VSIG10L: variants seen among roughly 807,000 people sequenced by gnomAD.
VSIG10L encodes V-set and immunoglobulin domain containing 10 like.
A neutral mutation model predicts 67.3 loss-of-function variants in VSIG10L; 63 were observed. The observed-to-expected ratio is 0.94, with a 90% CI of 0.76 to 1.15. The LOEUF (loss-of-function observed/expected upper bound fraction) is 1.15, where lower values mean the gene tolerates loss of function less well. Among genes scored for constraint, VSIG10L ranks in the 50% most tolerant of loss-of-function variants. VSIG10L has a pLI of 0.00. For synonymous variants in VSIG10L, 499 were observed against 524.9 expected, an observed-to-expected ratio of 0.95 and a Z score of 0.67; for missense variants, 1,050 against 1,177.5, an observed-to-expected ratio of 0.89 and a Z score of 1.58.
At position 51,340,568 on chromosome 19, in the gene VSIG10L, C is replaced by T. The variant is rs953210796; in HGVS notation, c.1054G>A (p.Glu352Lys). Residue 352 changes from glutamate to lysine, a missense_variant, in exon 3 of 10, where the codon GAG becomes AAG. By Grantham distance (56) the Glu-to-Lys change is moderately conservative. Transcript: ENST00000335624. The surrounding 1 kb of genome is among the most constrained non-coding windows in gnomAD (Gnocchi z 6.3). ...ALEAAESEGA[E>K]TPRMRSEGDQ... ...CCCTCTGAGCGCATCCGGGGCGTCT[C>T]GGCTCCCTCCGATTCCGCCGCCTCC... The T allele has an allele frequency of 3.9e-6, 6 of 1,535,560 alleles. No individual in the cohort carries two copies. In the Admixed American group the frequency reaches 9.8e-5, roughly 25 times the overall value.
At chr19:51,337,818 G>A (rs1599833586) in intron 6 of VSIG10L, 112 bp downstream of exon 6, 1 of 1,336,540 alleles carries the variant, frequency 7.5e-7, no homozygotes, top group Non-Finnish European at 1.0e-6. Context: ...GAGGCTGGGG[G>A]CCTGGATCCG....
intron 6 of VSIG10L, 44 bp downstream of exon 6, chr19:51,337,886 C>T (rs1405895538): frequency 6.7e-7 from 1 of 1,501,142 alleles, no homozygotes; most frequent in Non-Finnish European, 8.9e-7. Flanking sequence ...GCTGGAGCGG[C>T]TGGGGACGTG....
In VSIG10L at chr19:51,332,356, A is replaced by T; in HGVS notation, c.*255T>A. The T allele has an allele frequency of 1.8e-6, 1 of 569,966 alleles. No individual in the cohort carries two copies. Among genetic ancestry groups the T allele is most frequent in the African/African-American group, 1.9e-5 (1 of 53,740 alleles). The allele number at this position is 569,966 out of a possible 1,614,324, so 35.3% of individuals were successfully genotyped here. Reference sequence around the variant, plus strand: ...CAGAGGCTTGGAGGTTGTGCAAACCACACAGTTAGATCAGCAAGAGTTTCC... The same window carrying T: ...CAGAGGCTTGGAGGTTGTGCAAACCTCACAGTTAGATCAGCAAGAGTTTCC... On this transcript the variant is annotated 3_prime_UTR_variant, in exon 10 of 10. Coordinates refer to ENST00000335624, the MANE Select transcript of VSIG10L (RefSeq NM_001163922.3).
At chr19:51,339,841 G>T (rs1985577942) in intron 4 of VSIG10L, 174 bp downstream of exon 4, 2 of 793,002 alleles carry the variant, frequency 2.5e-6, no homozygotes, top group East Asian at 3.8e-5. Context: ...GCGCTGGCCC[G>T]CCCCACCACG....
At position 51,340,144 on chromosome 19, in the gene VSIG10L, C is replaced by T; in HGVS notation, c.1345G>A (p.Ala449Thr). The change falls in exon 4 of 10, where the codon GCG (alanine) becomes ACG (threonine). Residue 449 changes from alanine (A) to threonine (T), a missense_variant. Ala to Thr is a moderately conservative substitution (Grantham distance 58, BLOSUM62 0). This residue lies in a region of VSIG10L where 529 missense variants were observed against 584.9 expected (regional missense o/e 0.90). Transcript: ENST00000335624. The surrounding 1 kb of genome is among the most constrained non-coding windows in gnomAD (Gnocchi z 6.3). ...TWSLADPAEA[A>T]VPAGSRLLLP... ...AGGAGGCGCGACCCCGCGGGCACCG[C>T]GGCCTCGGCCGGGTCCGCCAGGCTC... 1 of 1,319,716 alleles carries T rather than the reference C, an allele frequency of 7.6e-7. No individual in the cohort carries two copies. The highest frequency in any genetic ancestry group is 9.6e-7 in the Non-Finnish European group (1 of 1,040,998). 81.8% of individuals were successfully genotyped at this position (1,319,716 alleles called of 1,614,324 possible). A position where few individuals can be genotyped will look rare whatever the true frequency, so the allele number is the denominator to read the frequency against.
Position 51,339,137 on chromosome 19 carries a change from G to T in VSIG10L, c.1480C>A (p.Pro494Thr). 3.1e-6 allele frequency: 4 copies of T among 1,301,966 alleles called. No individual in the cohort carries two copies. Among genetic ancestry groups the T allele is most frequent in the Non-Finnish European group, 3.9e-6 (4 of 1,016,450 alleles). The allele number at this position is 1,301,966 out of a possible 1,614,324, so 80.7% of individuals were successfully genotyped here. The change falls in exon 5 of 10, where the codon CCC (proline) becomes ACC (threonine). Residue 494 changes from proline (P) to threonine (T), a missense_variant. This residue lies in a region of VSIG10L where 529 missense variants were observed against 584.9 expected (regional missense o/e 0.90). Transcript: ENST00000335624. ...ACTGAGCACTGTGGGGCCCCGGGGG[G>T]CAGGTCTGCGGAGAGAAGGGAGAGA... Reference protein sequence around the residue: ...SLLNLTVADLPPGAPQCSVEG... With the variant: ...SLLNLTVADLTPGAPQCSVEG...
In VSIG10L at chr19:51,339,002, G is replaced by A; in HGVS notation, c.1615C>T (p.Pro539Ser). Residue 539 changes from proline (P) to serine (S), a missense_variant, in exon 5 of 10, where the codon CCA (proline) becomes TCA (serine). Pro to Ser is a moderately conservative substitution (Grantham distance 74). This residue lies in a region of VSIG10L where 529 missense variants were observed against 584.9 expected (regional missense o/e 0.90). Coordinates refer to ENST00000335624, the MANE Select transcript of VSIG10L (RefSeq NM_001163922.3). ...GCCGCCAGCAGCACAGAGGACACTG[G>A]CCCGGCGCGGATGCCTTCGGGGAGA... The part of the protein sequence containing the change: ...QGLPEGIRAG[P>S]VSSVLLAAVP... 1 of 1,401,244 alleles carries A rather than the reference G, an allele frequency of 7.1e-7. No individual in the cohort carries two copies. The highest frequency in any genetic ancestry group is 1.5e-5 in the South Asian group (1 of 64,866). 86.8% of individuals were successfully genotyped at this position (1,401,244 alleles called of 1,614,324 possible). A position where few individuals can be genotyped will look rare whatever the true frequency, so the allele number is the denominator to read the frequency against.
rs1360141268 is a variant in VSIG10L at position 51,338,177 on chromosome 19, C to G, written c.1761G>C (p.Leu587=). The change falls in exon 6 of 10, where the codon CTG becomes CTC. Residue 587 remains leucine, a synonymous_variant. Coordinates refer to ENST00000335624, the MANE Select transcript of VSIG10L (RefSeq NM_001163922.3). ...EAPREVLLHP[L]VAETRLGEAE... Reference sequence around the variant, plus strand: ...CCTCCCCCAACCGTGTCTCTGCCACCAGCGGATGCAGCAGCACCTCTCGGG... The same window carrying G: ...CCTCCCCCAACCGTGTCTCTGCCACGAGCGGATGCAGCAGCACCTCTCGGG... 3 of 1,501,286 alleles carry G rather than the reference C, an allele frequency of 2.0e-6. No homozygotes were observed. The African/African-American group carries it at 4.2e-5, about 21-fold the overall frequency. The allele number at this position is 1,501,286 out of a possible 1,614,324, so 93.0% of individuals were successfully genotyped here.
intron 5 of VSIG10L, among the ~76,000 whole-genome samples, chr19:51,338,427 C>T (rs376814997): frequency 6.6e-6 from 1 of 152,182 alleles, no homozygotes; most frequent in African/African-American, 2.4e-5. Flanking sequence ...ACCATAGGCG[C>T]AGGCCCTGTA....
intron 5 of VSIG10L, 34 bp downstream of exon 5, chr19:51,338,854 C>T (rs1442987701): frequency 7.4e-7 from 1 of 1,358,292 alleles, no homozygotes; most frequent in Admixed American, 3.8e-5. Context: ...CCCTCCTCCT[C>T]GAGAAACAGC....
chr19:51,340,449 G>T lies in VSIG10L; in HGVS notation c.1173C>A (p.Ala391=). 1 of 1,490,336 alleles carries T rather than the reference G, an allele frequency of 6.7e-7. No homozygotes were observed. The highest frequency in any genetic ancestry group is 8.9e-7 in the Non-Finnish European group (1 of 1,118,456). The allele number at this position is 1,490,336 out of a possible 1,614,324, so 92.3% of individuals were successfully genotyped here. A position where few individuals can be genotyped will look rare whatever the true frequency, so the allele number is the denominator to read the frequency against. ...CCCACTCACAGAAGACGCTGACGTC[G>T]GCGGCAGCCTCCCTGTGGCCGAAGG... ...RSPFGHREAA[A]DVSVFYGPDP... The change falls in exon 3 of 10, where the codon GCC becomes GCA. Residue 391 remains alanine (A), a synonymous_variant. Transcript: ENST00000335624. This position sits in a 1 kb window ranked among gnomAD's most constrained non-coding sequence, Gnocchi z 6.3.
In VSIG10L at chr19:51,340,992, C is replaced by T. The variant is rs28668475; in HGVS notation, c.895+161G>A. The T allele has an allele frequency of 0.59, 677,290 of 1,156,560 alleles. 200,016 individuals carry two copies. The highest frequency in any genetic ancestry group is 0.73 in the South Asian group (35,196 of 48,008). 71.6% of individuals were successfully genotyped at this position (1,156,560 alleles called of 1,614,324 possible). Reference sequence around the variant, plus strand: ...AGTCTCCATCCCAGGTCCACCTTTGCTCAGACACCCCTGCCTTGACCTCTA... The same window carrying T: ...AGTCTCCATCCCAGGTCCACCTTTGTTCAGACACCCCTGCCTTGACCTCTA... On this transcript the variant is annotated intron_variant, in intron 2 of 9. Transcript: ENST00000335624. The surrounding 1 kb of genome is among the most constrained non-coding windows in gnomAD (Gnocchi z 6.3).
In VSIG10L at chr19:51,340,279, T is replaced by C; in HGVS notation, c.1210A>G (p.Ile404Val). 1.3e-6 allele frequency: 2 copies of C among 1,518,972 alleles called. No homozygotes were observed. The highest frequency in any genetic ancestry group is 1.4e-5 in the African/African-American group (1 of 70,522). The allele number at this position is 1,518,972 out of a possible 1,614,324, so 94.1% of individuals were successfully genotyped here. ...GCGTCGCGGTCCGAGGAGACCGTGATGGTCGGCGGGTCCGGGCCGTCTGGA... is the reference window on the plus strand; with the variant it reads ...GCGTCGCGGTCCGAGGAGACCGTGACGGTCGGCGGGTCCGGGCCGTCTGGA... ...SVFYGPDPPT[I>V]TVSSDRDAAP... Residue 404 changes from isoleucine to valine, a missense_variant, in exon 4 of 10, where the codon ATC becomes GTC. Coordinates refer to ENST00000335624, the MANE Select transcript of VSIG10L (RefSeq NM_001163922.3). This position sits in a 1 kb window ranked among gnomAD's most constrained non-coding sequence, Gnocchi z 6.3.
At position 51,333,874 on chromosome 19, in the gene VSIG10L, G is replaced by A. The variant is rs1985415191; in HGVS notation, c.2491C>T (p.His831Tyr). The change falls in exon 9 of 10, where the codon CAT becomes TAT. Residue 831 changes from histidine (H) to tyrosine (Y), a missense_variant. His to Tyr is a moderately conservative substitution (Grantham distance 83). Transcript: ENST00000335624. ...GAAATCTCCACTGGGGTCACACTAT[G>A]CATCTTCTTTTCTGAGGGGGTGACC... ...PVVTPSEKKM[H>Y]SVTPVEISWP... The A allele has an allele frequency of 6.4e-7, 1 of 1,551,714 alleles. No individual in the cohort carries two copies. Among genetic ancestry groups the A allele is most frequent in the Non-Finnish European group, 8.7e-7 (1 of 1,147,000 alleles).
At position 51,340,816 on chromosome 19, in the gene VSIG10L, A is replaced by T; in HGVS notation, c.896-90T>A. On this transcript the variant is annotated intron_variant, in intron 2 of 9. Transcript: ENST00000335624. The surrounding 1 kb of genome is among the most constrained non-coding windows in gnomAD (Gnocchi z 6.3). ...GGGAACCCCAGCCGCTGCTCCCTCTAAGCCCCTGGAGTCTCAGCCCCCATC... is the reference window on the plus strand; with the variant it reads ...GGGAACCCCAGCCGCTGCTCCCTCTTAGCCCCTGGAGTCTCAGCCCCCATC... 1 of 1,371,102 alleles carries T rather than the reference A, an allele frequency of 7.3e-7. No individual in the cohort carries two copies. The highest frequency in any genetic ancestry group is 9.5e-7 in the Non-Finnish European group (1 of 1,049,530). The allele number at this position is 1,371,102 out of a possible 1,614,324, so 84.9% of individuals were successfully genotyped here.
In VSIG10L at chr19:51,341,337, G is replaced by A. The variant is rs1459619830; in HGVS notation, c.711C>T (p.Gly237=). Residue 237 remains glycine, a synonymous_variant, in exon 2 of 10, where the codon GGC becomes GGT. Transcript: ENST00000335624. Reference sequence around the variant, plus strand: ...TGATCAGAGGTGCCCCTGGCCCCAGGCCCCCAGCTGCCAGCACCTTTGAGC... The same window carrying A: ...TGATCAGAGGTGCCCCTGGCCCCAGACCCCCAGCTGCCAGCACCTTTGAGC... ...RRGSKVLAAG[G]LGPGAPLISL... 6.5e-7 allele frequency: 1 copy of A among 1,541,366 alleles called. No individual in the cohort carries two copies. Among genetic ancestry groups the A allele is most frequent in the Non-Finnish European group, 8.7e-7 (1 of 1,146,222 alleles).
At chr19:51,337,097 A>T in intron 7 of VSIG10L, 141 bp downstream of exon 7, 3 of 1,132,048 alleles carry the variant, frequency 2.7e-6, no homozygotes, top group South Asian at 1.7e-5. Context: ...TGACCTCCAG[A>T]CCTGTGAGAG....
At chr19:51,335,519 A>G (rs1985459139) in intron 7 of VSIG10L, among the ~76,000 whole-genome samples, 1 of 152,180 alleles carries the variant, frequency 6.6e-6, no homozygotes, top group African/African-American at 2.4e-5. Context: ...AAGTGGTGAC[A>G]TTTATGAGGA....
Position 51,332,634 on chromosome 19 carries a change from T to G in VSIG10L, c.2581A>C (p.Thr861Pro), listed in dbSNP as rs541389662. Residue 861 changes from threonine to proline, a missense_variant, in exon 10 of 10, where the codon ACC becomes CCC. By Grantham distance (38) the Thr-to-Pro change is conservative (BLOSUM62 -1). Coordinates refer to ENST00000335624, the MANE Select transcript of VSIG10L (RefSeq NM_001163922.3). ...GCCTACAGAGACAACTGAACTGGGG[T>G]CTGTGCCTGGAAGAGAGAGGTGGGG... ...HSSTRAYQAQ[T>P]PVQLSL is the part of the protein sequence containing the mutation. 3.8e-5 allele frequency: 53 copies of G among 1,399,520 alleles called. No homozygotes were observed. In the East Asian group the frequency reaches 1.4e-3, roughly 37 times the overall value. 86.7% of individuals were successfully genotyped at this position (1,399,520 alleles called of 1,614,324 possible).
Sources: gnomAD v4.1 joint callset for allele counts (sites outside exome capture counted in the v4.1 genomes callset) on GRCh38, gnomAD v4.1.1 for gene constraint, gnomAD v4.1.1 regional missense constraint, Gnocchi (gnomAD v3.1) non-coding constraint, MANE v1.5 for transcripts, NCBI Gene and HGNC (gene_info 2026-07-23, HGNC 2026-07-21) for gene names.